CREB5: variants seen among roughly 807,000 people sequenced by gnomAD.
CREB5 encodes cAMP responsive element binding protein 5.
Under a neutral mutation model 57.1 loss-of-function variants are expected in CREB5, and 19 were observed. The ratio of observed to expected loss-of-function variants is 0.33; its 90% CI spans 0.23 to 0.49. The LOEUF is 0.49. CREB5 is among the 20% of genes least tolerant of loss of function. The probability of loss-of-function intolerance (pLI) is 0.99; values close to 1 mark genes in which losing one functional copy is unlikely to be tolerated. For synonymous variants in CREB5, 238 were observed against 238.3 expected (o/e 1.00, Z 0.01); for missense variants, 579 against 671.6 (o/e 0.86, Z 1.52).
At chr7:28,817,925 T>C (rs946358091) in intron 9 of CREB5, 146 bp from the exon 10 acceptor site, 2 of 561,690 alleles carry the variant, frequency 3.6e-6, no homozygotes, top group South Asian at 5.6e-5. Flanking sequence ...AGCTACAAAC[T>C]TTCAGGTGAA....
chr7:28,453,201 G>A (rs992362248), intron 1 of CREB5, among the ~76,000 whole-genome samples: 2 of 152,184 alleles, frequency 1.3e-5, no homozygotes. Flanking sequence ...ACTTTCGGAG[G>A]CCAAGGTGGG....
At chr7:28,493,624 G>A (rs1174595929) in intron 2 of CREB5, among the ~76,000 whole-genome samples, 1 of 152,148 alleles carries the variant, frequency 6.6e-6, no homozygotes, top group Non-Finnish European at 1.5e-5. Flanking sequence ...GGAATTAGAT[G>A]CTGGCCCCTG....
chr7:28,809,037 G>A (rs142131413), intron 8 of CREB5, 150 bp from the exon 9 acceptor site: 495 of 645,940 alleles, frequency 7.7e-4, no homozygotes, highest in South Asian at 1.2e-3. Context: ...TGATTTCATC[G>A]TCTGTTTCAT....
chr7:28,701,503 G>T (rs1308646742), intron 5 of CREB5, among the ~76,000 whole-genome samples: 2 of 152,140 alleles, frequency 1.3e-5, no homozygotes, highest in Non-Finnish European at 2.9e-5. Context: ...GTTTTGGTTG[G>T]TTCTTGCAGG....
intron 1 of CREB5, among the ~76,000 whole-genome samples, chr7:28,427,042 T>C (rs914476104): frequency 1.3e-5 from 2 of 152,198 alleles, no homozygotes; most frequent in African/African-American, 4.8e-5. Context: ...AGTCCCCTTC[T>C]CTCAGTATCA....
chr7:28,462,473 T>C (rs1790390070), intron 1 of CREB5, among the ~76,000 whole-genome samples: 1 of 152,184 alleles, frequency 6.6e-6, no homozygotes, highest in Non-Finnish European at 1.5e-5. Context: ...GGTAACTCTT[T>C]GTTTAACATT....
chr7:28,451,104 G>A (rs34435259), intron 1 of CREB5, among the ~76,000 whole-genome samples: 41,663 of 152,082 alleles, frequency 0.27, 5,851 homozygotes, highest in South Asian at 0.35. Flanking sequence ...AAACTTTAAA[G>A]GGGTCTGTGC....
chr7:28,738,445 C>T (rs921466592), intron 7 of CREB5, among the ~76,000 whole-genome samples: 2 of 152,154 alleles, frequency 1.3e-5, no homozygotes, highest in African/African-American at 4.8e-5. Flanking sequence ...CTGGAACAAC[C>T]GTACCCATGA....
chr7:28,506,484 A>T (rs1792482933), intron 3 of CREB5, among the ~76,000 whole-genome samples: 1 of 152,190 alleles, frequency 6.6e-6, no homozygotes, highest in African/African-American at 2.4e-5. Flanking sequence ...AGGTGGGAAT[A>T]ATACATGTAC....
intron 2 of CREB5, among the ~76,000 whole-genome samples, chr7:28,488,645 A>C (rs889241395): frequency 6.6e-6 from 1 of 152,216 alleles, no homozygotes; most frequent in African/African-American, 2.4e-5. Flanking sequence ...GCTTAACACC[A>C]TAGGTTAAAT....
intron 1 of CREB5, among the ~76,000 whole-genome samples, chr7:28,454,757 T>A (rs1165511592): frequency 6.6e-6 from 1 of 152,090 alleles, no homozygotes; most frequent in African/African-American, 2.4e-5. Context: ...GCATATAAAA[T>A]TTTTTTTCAA....
rs115470658 is a variant in CREB5, at chr7:28,547,212, T to C, written c.292-23153T>C. Among the ~76,000 whole-genome samples the C allele has an allele frequency of 4.9e-3, 746 of 152,366 alleles. 8 individuals carry two copies. Among genetic ancestry groups the C allele is most frequent in the African/African-American group, 0.018 (728 of 41,582 alleles). ...TTAGTCTATGCGTATTTAATTTCCCTGAGTTCATCTAGGTCAATTTCCAGA... is the reference window on the plus strand; with the variant it reads ...TTAGTCTATGCGTATTTAATTTCCCCGAGTTCATCTAGGTCAATTTCCAGA... On this transcript the variant is annotated intron_variant, in intron 4 of 10. Transcript: ENST00000357727.
intron 1 of CREB5, among the ~76,000 whole-genome samples, chr7:28,323,120 A>G (rs1785521525): frequency 6.6e-6 from 1 of 152,136 alleles, no homozygotes; most frequent in Non-Finnish European, 1.5e-5. Context: ...CCCTGTCACT[A>G]GGAACATTAG....
At chr7:28,488,317 G>A in intron 2 of CREB5, 71 bp downstream of exon 2, 1 of 1,406,866 alleles carries the variant, frequency 7.1e-7, no homozygotes, top group South Asian at 1.2e-5. Flanking sequence ...CTCTCACCCG[G>A]CAATCATGCC....
chr7:28,747,656 G>C (rs112274892), intron 7 of CREB5, among the ~76,000 whole-genome samples: 1 of 152,000 alleles, frequency 6.6e-6, no homozygotes, highest in Non-Finnish European at 1.5e-5. Context: ...GTCCCAGCGT[G>C]TTTTTTTTCC....
chr7:28,394,108 T>TAAAAAAAA (rs1562689529), intron 1 of CREB5, among the ~76,000 whole-genome samples: 1 of 78,944 alleles, frequency 1.3e-5, no homozygotes, highest in Non-Finnish European at 2.6e-5. Flanking sequence ...AAAAAAAAAG[T>TAAAAAAAA]GGACTTGGAT....
intron 5 of CREB5, among the ~76,000 whole-genome samples, chr7:28,623,462 C>A (rs985730696): frequency 6.6e-6 from 1 of 152,126 alleles, no homozygotes; most frequent in Admixed American, 6.5e-5. Flanking sequence ...TCTCTGTTTG[C>A]GAGGGTTAAA....
At position 28,397,720 on chromosome 7, in the gene CREB5, A is replaced by T. The variant is rs6960954; in HGVS notation, c.-24-97186A>T. ...TTAAAAACAGGATCCGTACTCCTAA[A>T]CCATCACAACACCTAAACGTGATGA... On this transcript the variant is annotated intron_variant, in intron 1 of 9. Transcript: ENST00000396299. Among the ~76,000 whole-genome samples, 908 of 152,256 alleles carry T rather than the reference A, an allele frequency of 6.0e-3. 12 individuals carry two copies. The highest frequency in any genetic ancestry group is 0.021 in the African/African-American group (862 of 41,554).
At chr7:28,486,661 C>T (rs1288072321) in intron 1 of CREB5, among the ~76,000 whole-genome samples, 1 of 45,042 alleles carries the variant, frequency 2.2e-5, no homozygotes, top group Non-Finnish European at 4.2e-5. Context: ...ACGTGTATCT[C>T]CTATGATTTT....
Sources: gnomAD v4.1 joint callset for allele counts (sites outside exome capture counted in the v4.1 genomes callset) on GRCh38, gnomAD v4.1.1 for gene constraint, MANE v1.5 for transcripts, NCBI Gene and HGNC (gene_info 2026-07-23, HGNC 2026-07-21) for gene names.